Variants in CAMSAP3 observed in about 807,000 individuals in gnomAD.
The protein encoded by CAMSAP3 is calmodulin regulated spectrin associated protein family member 3.
In CAMSAP3, 34 loss-of-function variants were observed where a neutral mutation model predicts 112.5. The ratio of observed to expected loss-of-function variants is 0.30; its 90% CI spans 0.23 to 0.40. The LOEUF is 0.40. Ranked by LOEUF, CAMSAP3 falls within the 10% of genes least tolerant of loss-of-function variation. The probability of loss-of-function intolerance (pLI) is 1.00; values close to 1 mark genes in which losing one functional copy is unlikely to be tolerated. For synonymous variants in CAMSAP3, 868 were observed against 799.8 expected (o/e 1.09, Z -1.44); for missense variants, 1,602 against 1,770.3 (o/e 0.90, Z 1.71).
At chr19:7,608,420 C>G (rs1187027140) in intron 5 of CAMSAP3, among the ~76,000 whole-genome samples, 156 bp downstream of exon 5, 1 of 152,186 alleles carries the variant, frequency 6.6e-6, no homozygotes, top group Non-Finnish European at 1.5e-5. Flanking sequence ...TTGTGTCTCT[C>G]TCTTCCCCAA....
Position 7,617,217 on chromosome 19 carries a change from G to A in CAMSAP3, c.3213-109G>A, listed in dbSNP as rs967864727. The A allele has an allele frequency of 7.6e-6, 6 of 790,098 alleles. No individual in the cohort carries two copies. The highest frequency in any genetic ancestry group is 1.7e-5 in the African/African-American group (1 of 58,838). 48.9% of individuals were successfully genotyped at this position (790,098 alleles called of 1,614,324 possible). A position where few individuals can be genotyped will look rare whatever the true frequency, so the allele number is the denominator to read the frequency against. On this transcript the variant is annotated intron_variant, in intron 14 of 16. Coordinates refer to ENST00000160298, the MANE Select transcript of CAMSAP3 (RefSeq NM_020902.2). This position sits in a 1 kb window ranked among gnomAD's most constrained non-coding sequence, Gnocchi z 7.5. ...CAGGCATGAGCCACGATGCCCAGCC[G>A]TGGCCCTTATTTTCCTTGGCCCCTC...
At chr19:7,608,791 C>T (rs112382677) in intron 5 of CAMSAP3, among the ~76,000 whole-genome samples, 26,668 of 151,576 alleles carry the variant, frequency 0.18, 2,529 homozygotes, top group Non-Finnish European at 0.2. Flanking sequence ...CACGCCACCA[C>T]GCCTGGCTAA....
In CAMSAP3 at chr19:7,612,268, C is replaced by T. The variant is rs779149593; in HGVS notation, c.1775C>T (p.Pro592Leu). Residue 592 changes from proline (P) to leucine (L), a missense_variant, in exon 11 of 17, where the codon CCG (proline) becomes CTG (leucine). Around this residue, in one of 6 missense-constraint regions of CAMSAP3, gnomAD observed 1,100 missense variants for 1,135.7 expected, o/e 0.97. Transcript: ENST00000160298. The part of the protein sequence containing the change: ...GAGSPTSTPA[P>L]PEALSSEMSE... ...GGGTCCCCCACGTCCACTCCGGCCCCGCCGGAGGCCCTGAGCTCGGAGATG... is the reference window on the plus strand; with the variant it reads ...GGGTCCCCCACGTCCACTCCGGCCCTGCCGGAGGCCCTGAGCTCGGAGATG... 22 of 1,594,894 alleles carry T rather than the reference C, an allele frequency of 1.4e-5. No individual in the cohort carries two copies. The highest frequency in any genetic ancestry group is 2.3e-5 in the East Asian group (1 of 43,810).
chr19:7,615,772 G>C lies in CAMSAP3; in HGVS notation c.3112+53G>C, dbSNP rs562361394. The C allele has an allele frequency of 1.2e-5, 16 of 1,281,692 alleles. No homozygotes were observed. The highest frequency in any genetic ancestry group is 1.6e-5 in the Non-Finnish European group (16 of 1,000,260). The allele number at this position is 1,281,692 out of a possible 1,614,324, so 79.4% of individuals were successfully genotyped here. ...CCCAGTGCCCTTTCCGGGGCTCACT[G>C]GGTGAGGCCCCCATGGGTAAGGGGG... is the stretch of plus-strand genomic sequence containing the variant. On this transcript the variant is annotated intron_variant, in intron 13 of 16. Transcript: ENST00000160298. This position sits in a 1 kb window ranked among gnomAD's most constrained non-coding sequence, Gnocchi z 6.5.
rs983594459 is a variant in CAMSAP3 at position 7,618,126 on chromosome 19, C to T, written c.*69C>T. On this transcript the variant is annotated 3_prime_UTR_variant, in exon 17 of 17. Transcript: ENST00000160298. ...CGCCATCCCCTGGAGGACAGTCAGTCGGTATTCCTGGGTCCTGTCTGTCCC... is the reference window on the plus strand; with the variant it reads ...CGCCATCCCCTGGAGGACAGTCAGTTGGTATTCCTGGGTCCTGTCTGTCCC... 1.3e-5 allele frequency: 20 copies of T among 1,522,134 alleles called. No homozygotes were observed. Among genetic ancestry groups the T allele is most frequent in the African/African-American group, 8.2e-5 (6 of 73,188 alleles). The allele number at this position is 1,522,134 out of a possible 1,614,324, so 94.3% of individuals were successfully genotyped here.
chr19:7,616,959 G>GT (rs2030841374), intron 14 of CAMSAP3, among the ~76,000 whole-genome samples: 3 of 55,880 alleles, frequency 5.4e-5, no homozygotes, highest in Non-Finnish European at 7.3e-5. Context: ...TTTTTTTTTT[G>GT]TTTTTTTGAG....
In CAMSAP3 at chr19:7,616,621, C is replaced by T. The variant is rs771852196; in HGVS notation, c.3211C>T (p.Arg1071Trp). Residue 1071 changes from arginine to tryptophan, a missense_variant and splice_region_variant, in exon 14 of 17, where the codon CGG becomes TGG. This residue lies in a region of CAMSAP3 where 1,100 missense variants were observed against 1,135.7 expected (regional missense o/e 0.97). Transcript: ENST00000160298. ...CCTCGGGGTGAAGAGGCCCACGTCTCGGTGAGTTTAGCCCGCACAGGCGGG... is the reference window on the plus strand; with the variant it reads ...CCTCGGGGTGAAGAGGCCCACGTCTTGGTGAGTTTAGCCCGCACAGGCGGG... Reference protein sequence around the residue: ...NNLGVKRPTSRAPSPSGLMSP... With the variant: ...NNLGVKRPTSWAPSPSGLMSP... The T allele has an allele frequency of 9.4e-6, 15 of 1,603,728 alleles. No homozygotes were observed. Among genetic ancestry groups the T allele is most frequent in the South Asian group, 3.3e-5 (3 of 91,016 alleles).
chr19:7,606,127 G>T, intron 2 of CAMSAP3, 144 bp from the exon 3 acceptor site: 2 of 886,398 alleles, frequency 2.3e-6, no homozygotes, highest in South Asian at 1.6e-5. Context: ...CCCCACCCAT[G>T]AACCACTGGC....
At position 7,596,032 on chromosome 19, in the gene CAMSAP3, G is replaced by A; in HGVS notation, c.30G>A (p.Gly10=). The change falls in exon 1 of 17, where the codon GGG becomes GGA. Residue 10 remains glycine (G), a synonymous_variant. Coordinates refer to ENST00000160298, the MANE Select transcript of CAMSAP3 (RefSeq NM_020902.2). The part of the protein sequence containing the change: MVEAAPPGP[G]PLRRTFLVPE... ...TGGAGGCGGCGCCCCCCGGGCCCGG[G>A]CCGCTGCGGAGGACCTTTCTAGTGC... 8.2e-7 allele frequency: 1 copy of A among 1,221,366 alleles called. No homozygotes were observed. Among genetic ancestry groups the A allele is most frequent in the Non-Finnish European group, 1.0e-6 (1 of 954,590 alleles). 75.7% of individuals were successfully genotyped at this position (1,221,366 alleles called of 1,614,324 possible).
chr19:7,597,643 T>C (rs1644759), intron 1 of CAMSAP3, among the ~76,000 whole-genome samples: 77,532 of 152,174 alleles, frequency 0.51, 20,147 homozygotes, highest in South Asian at 0.61. Context: ...GCGTAAAAGC[T>C]GTAGTGACCA....
At position 7,611,212 on chromosome 19, in the gene CAMSAP3, C is replaced by A. The variant is rs1433208441; in HGVS notation, c.1123+44C>A. On this transcript the variant is annotated intron_variant, in intron 9 of 16. Coordinates refer to ENST00000160298, the MANE Select transcript of CAMSAP3 (RefSeq NM_020902.2). This position sits in a 1 kb window ranked among gnomAD's most constrained non-coding sequence, Gnocchi z 6.9. ...GCTTCTGTCACGGGGGACCCCCCCA[C>A]TCACAGACTGCCCCAGTGGGCCTCA... 2 of 1,579,216 alleles carry A rather than the reference C, an allele frequency of 1.3e-6. No individual in the cohort carries two copies. The highest frequency in any genetic ancestry group is 8.7e-7 in the Non-Finnish European group (1 of 1,150,114).
intron 5 of CAMSAP3, among the ~76,000 whole-genome samples, chr19:7,609,649 C>G (rs569052012): frequency 1.6e-4 from 24 of 152,232 alleles, no homozygotes; most frequent in African/African-American, 5.5e-4. Context: ...TACTTTATAT[C>G]TAATACGTTG....
Position 7,606,411 on chromosome 19 carries a change from T to C in CAMSAP3, c.525+18T>C. 1 of 1,612,108 alleles carries C rather than the reference T, an allele frequency of 6.2e-7. No homozygotes were observed. The highest frequency in any genetic ancestry group is 2.2e-5 in the East Asian group (1 of 44,870). ...TGGACACGGTAGGTGGGGTTGGGCC[T>C]GGGGTGGGTTCGGGGACCAGCATCG... On this transcript the variant is annotated intron_variant, in intron 3 of 16. Coordinates refer to ENST00000160298, the MANE Select transcript of CAMSAP3 (RefSeq NM_020902.2).
chr19:7,612,626 C>G lies in CAMSAP3; in HGVS notation c.2133C>G (p.Ser711Arg). Residue 711 changes from serine to arginine, a missense_variant, in exon 11 of 17, where the codon AGC becomes AGG. By Grantham distance (110) the Ser-to-Arg change is moderately radical (BLOSUM62 -1). This residue lies in a region of CAMSAP3 where 1,100 missense variants were observed against 1,135.7 expected (regional missense o/e 0.97). Transcript: ENST00000160298. ...RAVSKLSAAL[S>R]SLQRDMQRLT... is the part of the protein sequence containing the mutation. The stretch of plus-strand genomic sequence containing the variant: ...TCAGCAAGCTGAGTGCCGCCTTGAG[C>G]TCGCTGCAGCGGGACATGCAGAGGC... 1.3e-6 allele frequency: 2 copies of G among 1,524,296 alleles called. No individual in the cohort carries two copies. Among genetic ancestry groups the G allele is most frequent in the African/African-American group, 1.4e-5 (1 of 72,898 alleles). 94.4% of individuals were successfully genotyped at this position (1,524,296 alleles called of 1,614,324 possible).
Position 7,615,283 on chromosome 19 carries a change from A to C in CAMSAP3, c.2771A>C (p.Gln924Pro). The C allele has an allele frequency of 6.5e-7, 1 of 1,549,188 alleles. No homozygotes were observed. Among genetic ancestry groups the C allele is most frequent in the Non-Finnish European group, 8.7e-7 (1 of 1,146,312 alleles). Residue 924 changes from glutamine to proline, a missense_variant, in exon 12 of 17, where the codon CAG becomes CCG. Physicochemically the swap from Gln to Pro is moderately conservative, Grantham distance 76. This residue lies in a region of CAMSAP3 where 1,100 missense variants were observed against 1,135.7 expected (regional missense o/e 0.97). Transcript: ENST00000160298. This position sits in a 1 kb window ranked among gnomAD's most constrained non-coding sequence, Gnocchi z 6.5. ...AEEARRRKQWQEVEKEQRREE... is the reference protein window; with the variant it reads ...AEEARRRKQWPEVEKEQRREE... ...GAGGCGCGGCGGCGCAAGCAGTGGCAGGAGGTGGAGAAGGAACAGCGGAGG... is the reference window on the plus strand; with the variant it reads ...GAGGCGCGGCGGCGCAAGCAGTGGCCGGAGGTGGAGAAGGAACAGCGGAGG...
Position 7,607,865 on chromosome 19 carries a change from C to T in CAMSAP3, c.622-261C>T. 2 of 1,261,574 alleles carry T rather than the reference C, an allele frequency of 1.6e-6. No homozygotes were observed. The highest frequency in any genetic ancestry group is 2.1e-4 in the Middle Eastern group (1 of 4,720). 78.1% of individuals were successfully genotyped at this position (1,261,574 alleles called of 1,614,324 possible). On this transcript the variant is annotated intron_variant, in intron 4 of 16. Transcript: ENST00000160298. The surrounding 1 kb of genome is among the most constrained non-coding windows in gnomAD (Gnocchi z 4.9). The stretch of plus-strand genomic sequence containing the variant: ...TGAAGGAGTCGGGGAGCAAACCCCC[C>T]ATGGTAATGTATCCCCCGCCCCGGG...
chr19:7,611,061 G>T lies in CAMSAP3; in HGVS notation c.1050-34G>T. 6.2e-7 allele frequency: 1 copy of T among 1,612,016 alleles called. No individual in the cohort carries two copies. The highest frequency in any genetic ancestry group is 8.5e-7 in the Non-Finnish European group (1 of 1,178,500). The stretch of plus-strand genomic sequence containing the variant: ...CGGGGAGAGGCGGAGGAGGAGGTGG[G>T]GGTCCTGAGGCTGAAGTACGTCTCT... On this transcript the variant is annotated intron_variant, in intron 8 of 16. Coordinates refer to ENST00000160298, the MANE Select transcript of CAMSAP3 (RefSeq NM_020902.2). The surrounding 1 kb of genome is among the most constrained non-coding windows in gnomAD (Gnocchi z 6.9).
chr19:7,603,375 CA>C (rs1555757978), intron 1 of CAMSAP3, among the ~76,000 whole-genome samples: 1 of 152,048 alleles, frequency 6.6e-6, no homozygotes, highest in Non-Finnish European at 1.5e-5. Context: ...CCACCATGCC[CA>C]GCTCATTTTT....
Position 7,607,341 on chromosome 19 carries a change from C to A in CAMSAP3, c.621+770C>A, listed in dbSNP as rs2030273553. Reference sequence around the variant, plus strand: ...CTTTGAAAAGGAGGAGGAGGCCCATCCCTGAAGCTGGAAGTTGAAATTTCT... The same window carrying A: ...CTTTGAAAAGGAGGAGGAGGCCCATACCTGAAGCTGGAAGTTGAAATTTCT... On this transcript the variant is annotated intron_variant, in intron 4 of 16. Transcript: ENST00000160298. This position sits in a 1 kb window ranked among gnomAD's most constrained non-coding sequence, Gnocchi z 4.9. Among the ~76,000 whole-genome samples the A allele has an allele frequency of 6.6e-6, 1 of 152,212 alleles. No individual in the cohort carries two copies. The highest frequency in any genetic ancestry group is 1.5e-5 in the Non-Finnish European group (1 of 68,034).
Sources: allele counts gnomAD v4.1 joint callset (sites outside exome capture counted in the v4.1 genomes callset), GRCh38; gene constraint gnomAD v4.1.1; regional missense constraint gnomAD v4.1.1; non-coding constraint Gnocchi (gnomAD v3.1); transcripts MANE v1.5; gene names NCBI Gene and HGNC (gene_info 2026-07-23, HGNC 2026-07-21).